The following STXBP4 variants were observed in gnomAD, a reference collection of about 807,000 sequenced individuals.
The protein encoded by STXBP4 is syntaxin-binding protein 4.
Under a neutral mutation model 76.1 loss-of-function variants are expected in STXBP4, and 55 were observed. The observed-to-expected ratio is 0.72, with a 90% confidence interval of 0.58 to 0.91. The LOEUF is 0.91. Among genes scored for constraint, STXBP4 ranks in the 40% least tolerant of loss-of-function variants. The pLI is 0.00. For synonymous variants in STXBP4, 201 were observed against 220.2 expected (o/e 0.91, Z 0.77); for missense variants, 618 against 636.9 (o/e 0.97, Z 0.32).
At chr17:55,023,013 TG>T (rs2078342420) in intron 8 of STXBP4, among the ~76,000 whole-genome samples, 1 of 152,246 alleles carries the variant, frequency 6.6e-6, no homozygotes, top group African/African-American at 2.4e-5. Flanking sequence ...AAATTTCAAA[TG>T]TATATCTGGA....
At chr17:55,002,416 G>C (rs1460378605) in intron 7 of STXBP4, among the ~76,000 whole-genome samples, 1 of 152,104 alleles carries the variant, frequency 6.6e-6, no homozygotes, top group Non-Finnish European at 1.5e-5. Context: ...ATAGTATATT[G>C]TGAAATAAAA....
At chr17:55,057,667 G>A (rs192702235) in intron 12 of STXBP4, among the ~76,000 whole-genome samples, 49 of 152,170 alleles carry the variant, frequency 3.2e-4, no homozygotes, top group Non-Finnish European at 2.9e-5. Flanking sequence ...TTTAAGCCTT[G>A]CATGCAGTAG....
chr17:55,017,015 AGT>A (rs1395761460), intron 8 of STXBP4, among the ~76,000 whole-genome samples: 2 of 152,186 alleles, frequency 1.3e-5, no homozygotes, highest in Non-Finnish European at 2.9e-5. Flanking sequence ...AAGGGTTGTC[AGT>A]GGTCTCAGTA....
intron 7 of STXBP4, among the ~76,000 whole-genome samples, chr17:55,006,458 G>C (rs1304347038): frequency 6.6e-6 from 1 of 152,088 alleles, no homozygotes; most frequent in South Asian, 2.1e-4. Flanking sequence ...TCATTTAAAA[G>C]TGTATTTAGA....
At chr17:55,093,714 A>G (rs1363139399) in intron 16 of STXBP4, among the ~76,000 whole-genome samples, 1 of 152,220 alleles carries the variant, frequency 6.6e-6, no homozygotes, top group Non-Finnish European at 1.5e-5. Context: ...TTTTCCTAGT[A>G]CAATTTTATT....
chr17:54,978,807 G>A (rs754627126), intron 1 of STXBP4, among the ~76,000 whole-genome samples: 82 of 152,196 alleles, frequency 5.4e-4, no homozygotes, highest in African/African-American at 2.0e-3. Context: ...GTAGTTCCAA[G>A]TGTCAGTTAT....
Position 55,024,425 on chromosome 17 carries a change from TTCA to T in STXBP4, c.667-6738_667-6736del, listed in dbSNP as rs1475348669. Among the ~76,000 whole-genome samples, 4 of 152,338 alleles carry T rather than the reference TTCA, an allele frequency of 2.6e-5. No individual in the cohort carries two copies. The East Asian group carries it at 5.8e-4, about 22-fold the overall frequency. ...TCTTTAATAAAGAGCCAGCGTGCAA[TTCA>T]TCATATTTCTTTCCTCTCTGCTATA... On this transcript the variant is annotated intron_variant, in intron 8 of 17. Transcript: ENST00000376352.
chr17:55,173,363 T>A lies in STXBP4; in HGVS notation c.*13452T>A, dbSNP rs1448269519. The A allele has an allele frequency of 6.6e-6, 1 of 152,226 alleles. No individual in the cohort carries two copies. The highest frequency in any genetic ancestry group is 1.5e-5 in the Non-Finnish European group (1 of 68,030). 9.4% of individuals were successfully genotyped at this position (152,226 alleles called of 1,614,324 possible). A position where few individuals can be genotyped will look rare whatever the true frequency, so the allele number is the denominator to read the frequency against. On this transcript the variant is annotated 3_prime_UTR_variant, in exon 18 of 18. Transcript: ENST00000376352. ...CACCCCAACTCCTGGCAATTACTGC[T>A]CTATTCTCCGTAACTGTAGTTTTGC...
rs1208720999 is a variant in STXBP4, at chr17:55,049,740, T to G, written c.1011+2586T>G. ...AACATAATGGTTATCTTAATTAACA[T>G]GAATAAGATCAACTCACCTATTTTT... On this transcript the variant is annotated intron_variant, in intron 12 of 17. Transcript: ENST00000376352. 2.0e-5 allele frequency among the ~76,000 whole-genome samples: 3 copies of G among 152,076 alleles called. No homozygotes were observed. The East Asian group carries it at 5.8e-4, about 29-fold the overall frequency.
In STXBP4 at chr17:55,011,497, A is replaced by ATTTT. The variant is rs2078107823; in HGVS notation, c.666+3901_666+3904dup. ...TAAGTATTGTGGGATCAAAGAGTTTATTTTCTTTTTCTTTTTTTTTTTTTT... is the reference window on the plus strand; with the variant it reads ...TAAGTATTGTGGGATCAAAGAGTTTATTTTTTTTCTTTTTCTTTTTTTTTTTTTT... On this transcript the variant is annotated intron_variant, in intron 8 of 17. Coordinates refer to ENST00000376352, the MANE Select transcript of STXBP4 (RefSeq NM_178509.6). 1.1e-3 allele frequency among the ~76,000 whole-genome samples: 49 copies of ATTTT among 44,006 alleles called. 1 individual carries two copies. In the South Asian group the frequency reaches 0.034, roughly 31 times the overall value. The allele number at this position is 44,006 out of a possible 152,430, so 28.9% of individuals were successfully genotyped here. A position where few individuals can be genotyped will look rare whatever the true frequency, so the allele number is the denominator to read the frequency against.
intron 12 of STXBP4, among the ~76,000 whole-genome samples, chr17:55,060,708 A>G (rs1268494517): frequency 6.6e-6 from 1 of 152,186 alleles, no homozygotes; most frequent in African/African-American, 2.4e-5. Context: ...TGTGTCTTAC[A>G]GAATAACCGA....
intron 8 of STXBP4, among the ~76,000 whole-genome samples, chr17:55,027,111 C>T (rs1166291060): frequency 6.6e-6 from 1 of 152,196 alleles, no homozygotes; most frequent in Non-Finnish European, 1.5e-5. Flanking sequence ...CCTGTGTGAA[C>T]TCTTCTGTGC....
intron 8 of STXBP4, among the ~76,000 whole-genome samples, chr17:55,014,952 C>T (rs2078178925): frequency 6.6e-6 from 1 of 151,820 alleles, no homozygotes; most frequent in African/African-American, 2.4e-5. Flanking sequence ...TCTGCCTGCT[C>T]CTCCTGATTT....
At chr17:55,124,666 A>G (rs1387853546) in intron 16 of STXBP4, among the ~76,000 whole-genome samples, 1 of 152,200 alleles carries the variant, frequency 6.6e-6, no homozygotes, top group Non-Finnish European at 1.5e-5. Context: ...ACAGTGTGCA[A>G]AATTTGGATC....
At chr17:55,212,672 A>T in the STXBP4 span, among the ~76,000 whole-genome samples, 1 of 152,224 alleles carries the variant, frequency 6.6e-6, no homozygotes, top group Non-Finnish European at 1.5e-5. Context: ...ACTGTTTGTT[A>T]AAATGGCTGA....
At chr17:55,013,590 T>A (rs2078150566) in intron 8 of STXBP4, among the ~76,000 whole-genome samples, 1 of 152,268 alleles carries the variant, frequency 6.6e-6, no homozygotes, top group Non-Finnish European at 1.5e-5. Context: ...TTTAACCTGC[T>A]GTGAGCAGAG....
chr17:55,205,862 C>A, the STXBP4 span, among the ~76,000 whole-genome samples: 1 of 151,936 alleles, frequency 6.6e-6, no homozygotes, highest in Non-Finnish European at 1.5e-5. Context: ...CATTTCACTT[C>A]TAGGAGTTTC....
At chr17:55,010,103 C>T (rs2078081743) in intron 8 of STXBP4, among the ~76,000 whole-genome samples, 1 of 151,628 alleles carries the variant, frequency 6.6e-6, no homozygotes, top group South Asian at 2.1e-4. Context: ...CGTGGCAGCT[C>T]GAAAATTGGT....
the STXBP4 span, among the ~76,000 whole-genome samples, chr17:55,185,245 T>TC: frequency 6.9e-5 from 4 of 57,918 alleles, no homozygotes; most frequent in Non-Finnish European, 1.3e-4. Context: ...TTCTTCTTCT[T>TC]CTTCTCCTTC....
Sources: allele counts gnomAD v4.1 joint callset (sites outside exome capture counted in the v4.1 genomes callset), GRCh38; gene constraint gnomAD v4.1.1; transcripts MANE v1.5; gene names NCBI Gene and HGNC (gene_info 2026-07-23, HGNC 2026-07-21).